The following PKD2L2 variants were observed in gnomAD, a reference collection of about 807,000 sequenced individuals.
PKD2L2 encodes polycystin-2-like protein 2.
Under a neutral mutation model 83.9 loss-of-function variants are expected in PKD2L2, and 67 were observed. The ratio of observed to expected loss-of-function variants is 0.80; its 90% CI spans 0.66 to 0.98. The LOEUF (loss-of-function observed/expected upper bound fraction) is 0.98, where lower values mean the gene tolerates loss of function less well. Among genes scored for constraint, PKD2L2 ranks in the 50% least tolerant of loss-of-function variants. The pLI is 0.00. For missense variants in PKD2L2, 632 were observed against 717.2 expected, an observed-to-expected ratio of 0.88 and a Z score of 1.36; for synonymous variants, 223 against 237.8, an observed-to-expected ratio of 0.94 and a Z score of 0.57.
chr5:137,942,336 T>C (rs1032276320), intron 14 of PKD2L2, 48 bp from the exon 15 acceptor site: 20 of 342,528 alleles, frequency 5.8e-5, no homozygotes, highest in Non-Finnish European at 1.0e-4. Flanking sequence ...TTCCTGTACT[T>C]TGTTATAAAT....
intron 12 of PKD2L2, among the ~76,000 whole-genome samples, chr5:137,934,741 G>T (rs1760173093): frequency 6.6e-6 from 1 of 152,172 alleles, no homozygotes; most frequent in Non-Finnish European, 1.5e-5. Context: ...GAACCCGGGA[G>T]GGGTGGTTAG....
intron 8 of PKD2L2, among the ~76,000 whole-genome samples, chr5:137,918,062 A>T (rs1344541564): frequency 2.0e-5 from 3 of 152,208 alleles, no homozygotes; most frequent in African/African-American, 7.2e-5. Flanking sequence ...TACAAAAAAT[A>T]AAAAATAATA....
intron 8 of PKD2L2, among the ~76,000 whole-genome samples, chr5:137,909,986 G>A (rs981627315): frequency 6.6e-6 from 1 of 151,952 alleles, no homozygotes; most frequent in Non-Finnish European, 1.5e-5. Context: ...GCATTAGGGA[G>A]GCCAAGATGG....
chr5:137,921,099 G>A, intron 8 of PKD2L2, among the ~76,000 whole-genome samples: 1 of 152,166 alleles, frequency 6.6e-6, no homozygotes, highest in East Asian at 1.9e-4. Flanking sequence ...GGTGGCTCAT[G>A]CCTGTAATCC....
At chr5:137,891,256 A>G (rs1755954736) in intron 2 of PKD2L2, among the ~76,000 whole-genome samples, 1 of 152,190 alleles carries the variant, frequency 6.6e-6, no homozygotes, top group African/African-American at 2.4e-5. Context: ...CAATTAAGTA[A>G]TTAATTGGTG....
At chr5:137,895,051 A>G (rs1756327679) in intron 4 of PKD2L2, among the ~76,000 whole-genome samples, 1 of 151,986 alleles carries the variant, frequency 6.6e-6, no homozygotes, top group South Asian at 2.1e-4. Flanking sequence ...TGCTGCCCCT[A>G]CTAAAATGGG....
At chr5:137,903,289 C>G (rs1580910909) in intron 5 of PKD2L2, among the ~76,000 whole-genome samples, 1 of 152,180 alleles carries the variant, frequency 6.6e-6, no homozygotes, top group Admixed American at 6.5e-5. Context: ...CTGCTTGCAT[C>G]ATATTTGTTA....
chr5:137,890,166 C>A (rs928235904), intron 1 of PKD2L2: 1 of 199,804 alleles, frequency 5.0e-6, no homozygotes, highest in Non-Finnish European at 9.9e-6. Context: ...GCCTGTAGTC[C>A]CAGCTACTCG....
At chr5:137,894,717 C>A in intron 4 of PKD2L2, 108 bp downstream of exon 4, 1 of 771,966 alleles carries the variant, frequency 1.3e-6, no homozygotes, top group Non-Finnish European at 2.1e-6. Flanking sequence ...GGTAAGGAAA[C>A]TGTTTCAACA....
chr5:137,935,744 C>T (rs923263613), intron 12 of PKD2L2, 53 bp from the exon 13 acceptor site: 19 of 935,820 alleles, frequency 2.0e-5, no homozygotes, highest in Non-Finnish European at 3.1e-5. Flanking sequence ...GTGCCAAAGA[C>T]TTGAAATAGA....
At chr5:137,914,149 C>A (rs1203106512) in intron 8 of PKD2L2, among the ~76,000 whole-genome samples, 1 of 144,462 alleles carries the variant, frequency 6.9e-6, no homozygotes, top group Non-Finnish European at 1.5e-5. Flanking sequence ...CTTGGCCTCC[C>A]AAAGTGCTGG....
At chr5:137,931,070 T>G (rs1233706113) in intron 12 of PKD2L2, among the ~76,000 whole-genome samples, 1 of 152,148 alleles carries the variant, frequency 6.6e-6, no homozygotes, top group Non-Finnish European at 1.5e-5. Context: ...AATAGACTTT[T>G]TTGTATAACT....
intron 14 of PKD2L2, chr5:137,941,955 T>C (rs375326817): frequency 5.1e-5 from 82 of 1,613,760 alleles, no homozygotes; most frequent in Non-Finnish European, 6.9e-5. Context: ...TTCCATTTTG[T>C]TGATAAAATG....
intron 1 of PKD2L2, chr5:137,890,188 CAGG>C (rs1755832903): frequency 4.5e-6 from 1 of 223,478 alleles, no homozygotes; most frequent in Admixed American, 6.0e-5. Context: ...GAGGCTGAGG[CAGG>C]AGAATCGCTT....
At chr5:137,889,883 A>G (rs1410022888) in intron 1 of PKD2L2, 8 of 282,484 alleles carry the variant, frequency 2.8e-5, no homozygotes, top group Non-Finnish European at 5.2e-5. Context: ...CAGCCTTCCC[A>G]AGAAGCTGTA....
intron 4 of PKD2L2, among the ~76,000 whole-genome samples, chr5:137,895,493 A>G (rs1756373531): frequency 6.7e-6 from 1 of 149,268 alleles, no homozygotes; most frequent in African/African-American, 2.4e-5. Flanking sequence ...AAAAAAAAAA[A>G]GGAAGGAAGG....
rs549854202 is a variant in PKD2L2, at chr5:137,909,022, T to C, written c.1328+76T>C. On this transcript the variant is annotated intron_variant, in intron 8 of 14. Transcript: ENST00000508883. ...AAAATTGGAAAGGTCTAACCTTCTATGATAAGTAGTAATATAAGCTTTAAT... is the reference window on the plus strand; with the variant it reads ...AAAATTGGAAAGGTCTAACCTTCTACGATAAGTAGTAATATAAGCTTTAAT... The C allele has an allele frequency of 4.0e-6, 3 of 753,672 alleles. No homozygotes were observed. In the African/African-American group the frequency reaches 5.4e-5, roughly 14 times the overall value. The allele number at this position is 753,672 out of a possible 1,614,324, so 46.7% of individuals were successfully genotyped here.
At chr5:137,918,981 TG>T (rs1259272444) in intron 8 of PKD2L2, among the ~76,000 whole-genome samples, 11 of 151,908 alleles carry the variant, frequency 7.2e-5, no homozygotes, top group African/African-American at 2.2e-4. Flanking sequence ...TGTGTGTGTG[TG>T]TGTGTAGGGA....
At chr5:137,923,606 C>A in intron 10 of PKD2L2, 85 bp downstream of exon 10, 1 of 758,222 alleles carries the variant, frequency 1.3e-6, no homozygotes, top group Non-Finnish European at 2.4e-6. Flanking sequence ...CACTTAATTC[C>A]AAGTGGTCGT....
Sources: allele counts gnomAD v4.1 joint callset (sites outside exome capture counted in the v4.1 genomes callset), GRCh38; gene constraint gnomAD v4.1.1; transcripts MANE v1.5; gene names NCBI Gene and HGNC (gene_info 2026-07-23, HGNC 2026-07-21).